The following SATB2 variants were observed in gnomAD, a reference collection of about 807,000 sequenced individuals.
The protein encoded by SATB2 is DNA-binding protein SATB2.
In SATB2, 1 loss-of-function variant was observed where a neutral mutation model predicts 73.4. The observed-to-expected ratio is 0.01, with a 90% CI of 0.00 to 0.06. SATB2 has a LOEUF of 0.06. SATB2 is among the 10% of genes least tolerant of loss of function. The probability of loss-of-function intolerance (pLI) is 1.00; values close to 1 mark genes in which losing one functional copy is unlikely to be tolerated. For missense variants in SATB2, 459 were observed against 945.8 expected (o/e 0.49, Z 6.75); for synonymous variants, 397 against 367.0 (o/e 1.08, Z -0.93).
chr2:199,465,329 T>C (rs1372960463), upstream of SATB2, among the ~76,000 whole-genome samples: 1 of 152,216 alleles, frequency 6.6e-6, no homozygotes, highest in African/African-American at 2.4e-5. Context: ...AATACAAGTA[T>C]AATATAAGGG....
In SATB2 at chr2:199,361,889, C is replaced by G. The variant is rs142183252; in HGVS notation, c.700+6716G>C. On this transcript the variant is annotated intron_variant, in intron 6 of 10. Transcript: ENST00000417098. Reference sequence around the variant, plus strand: ...TCTCCTGCCTCAGCCTCCCAAGTAGCTGGGATTACAGCTAACTTTTTGTGT... The same window carrying G: ...TCTCCTGCCTCAGCCTCCCAAGTAGGTGGGATTACAGCTAACTTTTTGTGT... Among the ~76,000 whole-genome samples, 3,083 of 152,018 alleles carry G rather than the reference C, an allele frequency of 0.02. 311 individuals carry two copies. The East Asian group carries it at 0.31, about 15-fold the overall frequency.
At chr2:199,440,379 G>T (rs1460235981) in intron 2 of SATB2, among the ~76,000 whole-genome samples, 1 of 152,134 alleles carries the variant, frequency 6.6e-6, no homozygotes, top group African/African-American at 2.4e-5. Context: ...CAGATTAATA[G>T]ATAAAAAGAT....
upstream of SATB2, among the ~76,000 whole-genome samples, chr2:199,461,213 TC>T: frequency 6.6e-6 from 1 of 152,386 alleles, no homozygotes; most frequent in African/African-American, 2.4e-5. Context: ...TTTTGTCCTC[TC>T]GAGTTTTGTC....
intron 2 of SATB2, among the ~76,000 whole-genome samples, chr2:199,446,329 C>T (rs1220613367): frequency 6.6e-6 from 1 of 152,158 alleles, no homozygotes; most frequent in African/African-American, 2.4e-5. Flanking sequence ...CTTGTTAATA[C>T]CAAAGCACTA....
intron 9 of SATB2, 103 bp downstream of exon 9, chr2:199,323,700 A>G: frequency 2.4e-6 from 3 of 1,239,302 alleles, no homozygotes; most frequent in Non-Finnish European, 3.5e-6. Context: ...CTTGGGGGTT[A>G]TTACTGTTAT....
chr2:199,364,331 T>C (rs1448696702), intron 6 of SATB2, among the ~76,000 whole-genome samples: 1 of 152,192 alleles, frequency 6.6e-6, no homozygotes, highest in African/African-American at 2.4e-5. Flanking sequence ...AAACCCTTCA[T>C]GGGCTTTGTT....
chr2:199,453,036 G>A (rs1450910091), intron 2 of SATB2, among the ~76,000 whole-genome samples: 1 of 151,976 alleles, frequency 6.6e-6, no homozygotes, highest in East Asian at 1.9e-4. Context: ...TATTTAAATT[G>A]AGACACTAAA....
intron 10 of SATB2, among the ~76,000 whole-genome samples, chr2:199,277,107 T>C (rs1423899165): frequency 2.0e-5 from 3 of 151,972 alleles, no homozygotes; most frequent in Non-Finnish European, 4.4e-5. Context: ...GAAAAACAAA[T>C]TAATATAAAA....
intron 3 of SATB2, among the ~76,000 whole-genome samples, chr2:199,386,947 C>A (rs147073971): frequency 1.3e-5 from 2 of 152,264 alleles, no homozygotes; most frequent in East Asian, 1.9e-4. Context: ...AGATAACCCA[C>A]CTGAAGTAAT....
chr2:199,402,358 C>T (rs1690508354), intron 3 of SATB2, among the ~76,000 whole-genome samples: 1 of 151,922 alleles, frequency 6.6e-6, no homozygotes, highest in Non-Finnish European at 1.5e-5. Flanking sequence ...GCACTCCAGC[C>T]TGGGTGACAG....
At position 199,433,456 on chromosome 2, in the gene SATB2, G is replaced by A; in HGVS notation, c.228C>T (p.Asp76=). The change falls in exon 3 of 11, where the codon GAC becomes GAT. Residue 76 remains aspartate (D), a synonymous_variant. Coordinates refer to ENST00000417098, the MANE Select transcript of SATB2 (RefSeq NM_001172509.2). ...VEQLDGSLEY[D]NREEHAEFVL... is the part of the protein sequence containing the mutation. Reference sequence around the variant, plus strand: ...CAAACTCGGCGTGTTCTTCTCTGTTGTCATATTCAAGAGAGCCGTCCAACT... The same window carrying A: ...CAAACTCGGCGTGTTCTTCTCTGTTATCATATTCAAGAGAGCCGTCCAACT... The A allele has an allele frequency of 1.9e-6, 3 of 1,614,110 alleles. No homozygotes were observed. The highest frequency in any genetic ancestry group is 2.5e-6 in the Non-Finnish European group (3 of 1,180,012).
chr2:199,440,297 C>T (rs780634942), intron 2 of SATB2, among the ~76,000 whole-genome samples: 1 of 152,142 alleles, frequency 6.6e-6, no homozygotes, highest in Non-Finnish European at 1.5e-5. Context: ...GCCCCCTGGG[C>T]TAAGGCAGCC....
intron 3 of SATB2, among the ~76,000 whole-genome samples, chr2:199,420,620 A>G (rs1691136109): frequency 2.0e-5 from 3 of 152,294 alleles, no homozygotes; most frequent in Middle Eastern, 3.4e-3. Context: ...GGTTAAATTA[A>G]TATCTGCCAA....
chr2:199,449,213 C>A (rs1015806979), intron 2 of SATB2, among the ~76,000 whole-genome samples: 2 of 152,088 alleles, frequency 1.3e-5, no homozygotes, highest in African/African-American at 4.8e-5. Flanking sequence ...ATCTAAAGCA[C>A]ACTTGTTCCA....
intron 10 of SATB2, among the ~76,000 whole-genome samples, chr2:199,295,826 C>T (rs1259171698): frequency 6.6e-6 from 1 of 152,138 alleles, no homozygotes. Flanking sequence ...GGAAATTGAA[C>T]TTGTGACCTT....
intron 3 of SATB2, among the ~76,000 whole-genome samples, chr2:199,390,915 T>A (rs1690111866): frequency 6.6e-6 from 1 of 152,174 alleles, no homozygotes; most frequent in South Asian, 2.1e-4. Context: ...ATACCTAATC[T>A]TAGGGGCAAT....
chr2:199,364,885 T>C (rs1445218719), intron 6 of SATB2, among the ~76,000 whole-genome samples: 1 of 151,990 alleles, frequency 6.6e-6, no homozygotes, highest in East Asian at 1.9e-4. Flanking sequence ...TTTTATTATA[T>C]CCCCCCAAAA....
intron 5 of SATB2, among the ~76,000 whole-genome samples, chr2:199,372,227 A>C (rs1250221251): frequency 6.6e-6 from 1 of 152,178 alleles, no homozygotes; most frequent in African/African-American, 2.4e-5. Flanking sequence ...TTTGTAGTCA[A>C]TTTGACATTT....
chr2:199,366,038 T>C (rs1689273277), intron 6 of SATB2, among the ~76,000 whole-genome samples: 1 of 152,090 alleles, frequency 6.6e-6, no homozygotes, highest in Admixed American at 6.6e-5. Flanking sequence ...TAGCAGATAA[T>C]AGGAAACATA....
Sources: gnomAD v4.1 joint callset for allele counts (sites outside exome capture counted in the v4.1 genomes callset) on GRCh38, gnomAD v4.1.1 for gene constraint, MANE v1.5 for transcripts, NCBI Gene and HGNC (gene_info 2026-07-23, HGNC 2026-07-21) for gene names.